Variants in LRRTM4 observed in about 807,000 individuals in gnomAD.
The protein encoded by LRRTM4 is leucine rich repeat transmembrane neuronal 4.
In LRRTM4, 25 loss-of-function variants were observed where a neutral mutation model predicts 47.6. The ratio of observed to expected loss-of-function variants is 0.53; its 90% confidence interval spans 0.38 to 0.73. LRRTM4 has a LOEUF of 0.73. Ranked by LOEUF, LRRTM4 falls within the 30% of genes least tolerant of loss-of-function variation. The pLI is 0.00. For missense variants in LRRTM4, 638 were observed against 713.4 expected (o/e 0.89, Z 1.20); for synonymous variants, 311 against 269.5 (o/e 1.15, Z -1.51).
intron 3 of LRRTM4, among the ~76,000 whole-genome samples, chr2:77,380,120 T>A (rs1026733529): frequency 6.6e-6 from 1 of 152,172 alleles, no homozygotes; most frequent in African/African-American, 2.4e-5. Context: ...GACTTACAGA[T>A]TATCTTGTGA....
chr2:77,149,940 G>C (rs1216030645), intron 3 of LRRTM4, among the ~76,000 whole-genome samples: 1 of 152,084 alleles, frequency 6.6e-6, no homozygotes, highest in Non-Finnish European at 1.5e-5. Context: ...ACTTAATAAA[G>C]ATAATCAGTG....
chr2:77,182,274 A>G (rs914964710), intron 3 of LRRTM4, among the ~76,000 whole-genome samples: 17 of 152,176 alleles, frequency 1.1e-4, no homozygotes, highest in African/African-American at 3.9e-4. Context: ...CTTTACAGGG[A>G]AATGGATGAA....
intron 3 of LRRTM4, among the ~76,000 whole-genome samples, chr2:77,272,543 T>C (rs1676228020): frequency 6.6e-6 from 1 of 152,194 alleles, no homozygotes; most frequent in Non-Finnish European, 1.5e-5. Context: ...GTGAGCCTTT[T>C]AAATATTAAG....
rs185809605 is a variant in LRRTM4 at position 77,295,804 on chromosome 2, G to C, written c.1551+222514C>G. On this transcript the variant is annotated intron_variant, in intron 3 of 3. Coordinates refer to ENST00000409884, the MANE Select transcript of LRRTM4 (RefSeq NM_001134745.3). ...AAAGGACACCAATCATATTAGATGA[G>C]GGCCCACTCTAATTACCTCATTTTA... is the stretch of plus-strand genomic sequence containing the variant. 6.2e-3 allele frequency among the ~76,000 whole-genome samples: 936 copies of C among 151,344 alleles called. 12 individuals are homozygous for C. The highest frequency in any genetic ancestry group is 0.021 in the African/African-American group (851 of 40,742).
chr2:76,895,854 C>A (rs138986780), intron 3 of LRRTM4, among the ~76,000 whole-genome samples: 1 of 152,028 alleles, frequency 6.6e-6, no homozygotes, highest in Admixed American at 6.6e-5. Context: ...ACCTTGACAA[C>A]TGAATTAATC....
chr2:76,911,641 GA>G (rs1238382436), intron 3 of LRRTM4, among the ~76,000 whole-genome samples: 4 of 152,016 alleles, frequency 2.6e-5, no homozygotes, highest in Non-Finnish European at 5.9e-5. Context: ...AGAAAAGAAA[GA>G]GCCAGAGAGA....
intron 3 of LRRTM4, among the ~76,000 whole-genome samples, chr2:77,033,279 T>C (rs766676491): frequency 4.6e-5 from 7 of 151,942 alleles, no homozygotes; most frequent in South Asian, 4.1e-4. Context: ...CAAGAAAGCA[T>C]TGAATTTATA....
intron 3 of LRRTM4, among the ~76,000 whole-genome samples, chr2:76,780,315 T>G (rs996982778): frequency 6.6e-6 from 1 of 152,234 alleles, no homozygotes; most frequent in African/African-American, 2.4e-5. Flanking sequence ...CTTGCCTTGC[T>G]AGATTGGGGA....
intron 3 of LRRTM4, among the ~76,000 whole-genome samples, chr2:76,758,058 T>A (rs1478441947): frequency 6.6e-6 from 1 of 152,178 alleles, no homozygotes; most frequent in South Asian, 2.1e-4. Flanking sequence ...TCAGTTTCCA[T>A]ATGAATTTGT....
intron 3 of LRRTM4, among the ~76,000 whole-genome samples, chr2:77,407,623 A>G (rs985195178): frequency 1.5e-5 from 2 of 137,390 alleles, no homozygotes; most frequent in Admixed American, 7.6e-5. Context: ...ATAATATAAT[A>G]TATGATATAT....
chr2:77,290,895 T>C lies in LRRTM4; in HGVS notation c.1551+227423A>G, dbSNP rs547445411. ...TCCGAGTTGCATCAGCTCCCTGATA[T>C]GTTGTTCATGCCTCCTTAGTGCCCT... On this transcript the variant is annotated intron_variant, in intron 3 of 3. Transcript: ENST00000409884. Among the ~76,000 whole-genome samples the C allele has an allele frequency of 5.8e-4, 89 of 152,148 alleles. 2 individuals are homozygous for C. The South Asian group carries it at 0.018, about 30-fold the overall frequency.
At chr2:77,397,501 C>A (rs1202683214) in intron 3 of LRRTM4, among the ~76,000 whole-genome samples, 1 of 151,676 alleles carries the variant, frequency 6.6e-6, no homozygotes, top group East Asian at 2.0e-4. Flanking sequence ...TATTTATAAT[C>A]TCTAAAAAGT....
intron 3 of LRRTM4, among the ~76,000 whole-genome samples, chr2:76,998,482 A>G (rs980306331): frequency 6.6e-6 from 1 of 152,170 alleles, no homozygotes; most frequent in South Asian, 2.1e-4. Flanking sequence ...CATGATGCAC[A>G]CACACCACCC....
intron 3 of LRRTM4, among the ~76,000 whole-genome samples, chr2:76,885,711 C>A (rs1290946843): frequency 6.6e-6 from 1 of 151,974 alleles, no homozygotes; most frequent in Admixed American, 6.6e-5. Context: ...GTGATCCGCC[C>A]GCCTCGGCCT....
rs148070737 is a variant in LRRTM4 at position 77,293,401 on chromosome 2, T to C, written c.1551+224917A>G. ...AACCCATTAAGAGAAATCCAGGAAA[T>C]GGGGTAAATGAACAAAGCGGACAGT... On this transcript the variant is annotated intron_variant, in intron 3 of 3. Coordinates refer to ENST00000409884, the MANE Select transcript of LRRTM4 (RefSeq NM_001134745.3). 2.3e-3 allele frequency among the ~76,000 whole-genome samples: 348 copies of C among 151,994 alleles called. 1 individual carries two copies. Among genetic ancestry groups the C allele is most frequent in the African/African-American group, 7.5e-3 (312 of 41,486 alleles).
rs147927805 is a variant in LRRTM4 at position 77,258,127 on chromosome 2, A to T, written c.1551+260191T>A. Among the ~76,000 whole-genome samples, 1,271 of 151,930 alleles carry T rather than the reference A, an allele frequency of 8.4e-3. 15 individuals are homozygous for T. Among genetic ancestry groups the T allele is most frequent in the African/African-American group, 0.028 (1,168 of 41,490 alleles). On this transcript the variant is annotated intron_variant, in intron 3 of 3. Transcript: ENST00000409884. Reference sequence around the variant, plus strand: ...TAAAAAGAAAAGAAAAAAAGAAAAAAAAAAAGACTACGAAGAAACACCACC... The same window carrying T: ...TAAAAAGAAAAGAAAAAAAGAAAAATAAAAAGACTACGAAGAAACACCACC...
intron 3 of LRRTM4, among the ~76,000 whole-genome samples, chr2:77,341,831 G>A (rs1671383578): frequency 6.6e-6 from 1 of 151,912 alleles, no homozygotes; most frequent in African/African-American, 2.4e-5. Context: ...AAGAAAGAAA[G>A]CATTTGTAAA....
intron 3 of LRRTM4, among the ~76,000 whole-genome samples, chr2:76,954,901 T>C (rs1675620966): frequency 6.6e-6 from 1 of 151,628 alleles, no homozygotes; most frequent in Non-Finnish European, 1.5e-5. Flanking sequence ...TATGATATAG[T>C]AAAAGTGCTG....
chr2:76,975,426 A>T (rs1438325328), intron 3 of LRRTM4, among the ~76,000 whole-genome samples: 2 of 149,788 alleles, frequency 1.3e-5, no homozygotes, highest in East Asian at 1.9e-4. Flanking sequence ...TTATTTATTT[A>T]TTATTTATTT....
Sources: allele counts gnomAD v4.1 joint callset (sites outside exome capture counted in the v4.1 genomes callset), GRCh38; gene constraint gnomAD v4.1.1; transcripts MANE v1.5; gene names NCBI Gene and HGNC (gene_info 2026-07-23, HGNC 2026-07-21).